ZNF521: variants seen among roughly 807,000 people sequenced by gnomAD.
ZNF521 encodes the protein LYST-interacting protein 3.
Under a neutral mutation model 105.5 loss-of-function variants are expected in ZNF521, and 14 were observed. That is an observed-to-expected ratio of 0.13 (90% CI 0.09 to 0.21). The LOEUF (loss-of-function observed/expected upper bound fraction) is 0.21, where lower values mean the gene tolerates loss of function less well. ZNF521 is among the 10% of genes least tolerant of loss of function. The pLI is 1.00. For missense variants in ZNF521, 1,233 were observed against 1,629.7 expected (o/e 0.76, Z 4.19); for synonymous variants, 635 against 606.0 (o/e 1.05, Z -0.70).
chr18:25,110,442 C>CAAAAAAAAAAAAAA (rs372395726), intron 5 of ZNF521, among the ~76,000 whole-genome samples: 3 of 148,980 alleles, frequency 2.0e-5, no homozygotes, highest in African/African-American at 4.9e-5. Flanking sequence ...GGCAGGAGAC[C>CAAAAAAAAAAAAAA]AAAAAAGAAA....
At position 25,244,282 on chromosome 18, in the gene ZNF521, G is replaced by GCACA. The variant is rs57083520; in HGVS notation, c.221-16589_221-16586dup. On this transcript the variant is annotated intron_variant, in intron 3 of 7. Transcript: ENST00000361524. ...TAACACACAAGCTGTGTATGCATGT[G>GCACA]CACACACACACACACACACACACAC... Among the ~76,000 whole-genome samples, 907 of 147,420 alleles carry GCACA rather than the reference G, an allele frequency of 6.2e-3. 7 individuals are homozygous for GCACA. Among genetic ancestry groups the GCACA allele is most frequent in the South Asian group, 0.011 (49 of 4,612 alleles).
intron 5 of ZNF521, among the ~76,000 whole-genome samples, chr18:25,153,295 A>T (rs190310175): frequency 6.6e-6 from 1 of 152,346 alleles, no homozygotes; most frequent in East Asian, 1.9e-4. Flanking sequence ...TGTGCTTTCA[A>T]ATTAAAAATT....
intron 5 of ZNF521, among the ~76,000 whole-genome samples, chr18:25,113,058 G>A (rs1402141751): frequency 7.7e-6 from 1 of 129,310 alleles, no homozygotes; most frequent in African/African-American, 2.6e-5. Flanking sequence ...CCATTCTAAT[G>A]AAATCGGCAT....
intron 3 of ZNF521, among the ~76,000 whole-genome samples, chr18:25,303,618 C>A (rs1427285974): frequency 6.6e-6 from 1 of 152,042 alleles, no homozygotes; most frequent in Non-Finnish European, 1.5e-5. Flanking sequence ...CTTTCTAATT[C>A]AAGCTGTTGT....
intron 5 of ZNF521, among the ~76,000 whole-genome samples, chr18:25,103,729 T>C (rs1214754863): frequency 6.7e-6 from 1 of 148,606 alleles, no homozygotes; most frequent in Non-Finnish European, 1.5e-5. Flanking sequence ...GAGACAGTTG[T>C]TATCCTCTGT....
intron 5 of ZNF521, among the ~76,000 whole-genome samples, chr18:25,129,821 G>A (rs961563018): frequency 2.0e-5 from 3 of 152,036 alleles, no homozygotes; most frequent in Non-Finnish European, 2.9e-5. Context: ...ACTGATTTCC[G>A]AAACACTGAC....
intron 3 of ZNF521, among the ~76,000 whole-genome samples, chr18:25,306,767 T>C (rs1912001785): frequency 6.6e-6 from 1 of 150,732 alleles, no homozygotes; most frequent in Non-Finnish European, 1.5e-5. Context: ...GAAAAAAAGC[T>C]GAATCAGAAA....
At chr18:25,146,899 G>A (rs964514742) in intron 5 of ZNF521, among the ~76,000 whole-genome samples, 2 of 151,950 alleles carry the variant, frequency 1.3e-5, no homozygotes, top group African/African-American at 4.8e-5. Flanking sequence ...TATGCTCCTT[G>A]ATAGCAGGAG....
rs143877820 is a variant in ZNF521, at chr18:25,089,833, T to C, written c.3791-253A>G. On this transcript the variant is annotated intron_variant, in intron 6 of 7. Transcript: ENST00000361524. ...AGGTTTATGGAGGCCCTGCTCCCTA[T>C]AAATCTTTAAAAAATAAAGCCGAAA... Among the ~76,000 whole-genome samples the C allele has an allele frequency of 3.9e-5, 6 of 152,228 alleles. No individual in the cohort carries two copies. In the East Asian group the frequency reaches 1.2e-3, roughly 29 times the overall value.
chr18:25,180,982 C>T (rs58152253), intron 5 of ZNF521, among the ~76,000 whole-genome samples: 3,649 of 152,170 alleles, frequency 0.024, 151 homozygotes, highest in African/African-American at 0.084. Flanking sequence ...GTAAGTAAAT[C>T]CCTATTTCAG....
chr18:25,105,396 T>G lies in ZNF521; in HGVS notation c.3659-13315A>C, dbSNP rs117203372. On this transcript the variant is annotated intron_variant, in intron 5 of 7. Coordinates refer to ENST00000361524, the MANE Select transcript of ZNF521 (RefSeq NM_015461.3). ...ACTTTGTGCTTAGGCCAACTTGACT[T>G]TTAAGCACAAGATGTTGAAGGAAGT... Among the ~76,000 whole-genome samples the G allele has an allele frequency of 3.6e-3, 543 of 152,258 alleles. 26 individuals carry two copies. In the East Asian group the frequency reaches 0.076, roughly 21 times the overall value.
chr18:25,199,177 T>C (rs2035951336), intron 4 of ZNF521, among the ~76,000 whole-genome samples: 1 of 151,892 alleles, frequency 6.6e-6, no homozygotes. Context: ...AAATCTAGAA[T>C]ATTCTTTCAG....
intron 5 of ZNF521, among the ~76,000 whole-genome samples, chr18:25,155,333 T>C (rs2035123774): frequency 1.3e-5 from 2 of 152,210 alleles, no homozygotes; most frequent in South Asian, 4.1e-4. Context: ...TTAGCAAATA[T>C]TTTTTCCCAA....
At chr18:25,087,384 C>A (rs1454795728) in intron 7 of ZNF521, among the ~76,000 whole-genome samples, 1 of 152,176 alleles carries the variant, frequency 6.6e-6, no homozygotes, top group East Asian at 1.9e-4. Context: ...GCCACCGCTG[C>A]CACAGTGCTG....
intron 5 of ZNF521, among the ~76,000 whole-genome samples, chr18:25,185,934 T>C (rs1357722940): frequency 1.3e-5 from 2 of 152,334 alleles, no homozygotes; most frequent in Admixed American, 1.3e-4. Context: ...GAATATGATG[T>C]TTCCTGTTTG....
In ZNF521 at chr18:25,314,022, CACTT is replaced by C. The variant is rs1450648217; in HGVS notation, c.220+7982_220+7985del. On this transcript the variant is annotated intron_variant, in intron 3 of 7. Coordinates refer to ENST00000361524, the MANE Select transcript of ZNF521 (RefSeq NM_015461.3). ...TTAATATAGAAACATAAATTAATAA[CACTT>C]AAATGATTAATAACAAAGTATGAAT... 2.6e-5 allele frequency among the ~76,000 whole-genome samples: 4 copies of C among 151,916 alleles called. No individual in the cohort carries two copies. The East Asian group carries it at 7.7e-4, about 29-fold the overall frequency.
chr18:25,150,023 G>C (rs1043270157), intron 5 of ZNF521, among the ~76,000 whole-genome samples: 4 of 152,164 alleles, frequency 2.6e-5, no homozygotes, highest in African/African-American at 9.7e-5. Context: ...GATATGCTCA[G>C]TATATCTTTG....
chr18:25,090,558 A>C (rs2033721752), intron 6 of ZNF521, among the ~76,000 whole-genome samples: 1 of 152,202 alleles, frequency 6.6e-6, no homozygotes, highest in Admixed American at 6.5e-5. Context: ...AATTACTTCA[A>C]GATACGCTAA....
intron 5 of ZNF521, among the ~76,000 whole-genome samples, chr18:25,097,016 C>A (rs1257142313): frequency 6.6e-6 from 1 of 152,128 alleles, no homozygotes; most frequent in Admixed American, 6.5e-5. Flanking sequence ...ATGCCCTAAC[C>A]CAATTCCCAA....
Sources: gnomAD v4.1 joint callset for allele counts (sites outside exome capture counted in the v4.1 genomes callset) on GRCh38, gnomAD v4.1.1 for gene constraint, MANE v1.5 for transcripts, NCBI Gene and HGNC (gene_info 2026-07-23, HGNC 2026-07-21) for gene names.